The following NRXN1 variants were observed in gnomAD, a reference collection of about 807,000 sequenced individuals.
NRXN1 encodes neurexin-1.
In NRXN1, 39 loss-of-function variants were observed where a neutral mutation model predicts 150.9. The observed-to-expected ratio is 0.26, with a 90% confidence interval of 0.20 to 0.34. NRXN1 has a LOEUF of 0.34. Ranked by LOEUF, NRXN1 falls within the 10% of genes least tolerant of loss-of-function variation. NRXN1 has a pLI of 1.00. For synonymous variants in NRXN1, 924 were observed against 757.0 expected (o/e 1.22, Z -3.62); for missense variants, 1,815 against 1,949.9 (o/e 0.93, Z 1.30).
rs2091709165 is a variant in NRXN1 at position 50,497,582 on chromosome 2, A to C, written c.2630T>G (p.Met877Arg). ...GHLQSLTFNG[M>R]AYIDLCKNGD... ...ATTTTTACACAGGTCAATGTATGCC[A>C]TTCCATTAAATGTCAAGCTCTGCAG... The change falls in exon 14 of 23, where the codon ATG (methionine) becomes AGG (arginine). Residue 877 changes from methionine (M) to arginine (R), a missense_variant. Coordinates refer to ENST00000401669, the MANE Select transcript of NRXN1 (RefSeq NM_001330078.2). The C allele has an allele frequency of 6.2e-7, 1 of 1,613,812 alleles. No homozygotes were observed. The highest frequency in any genetic ancestry group is 1.7e-5 in the Admixed American group (1 of 59,994).
At chr2:49,982,649 C>T (rs1387260402) in intron 21 of NRXN1, among the ~76,000 whole-genome samples, 1 of 152,040 alleles carries the variant, frequency 6.6e-6, no homozygotes, top group East Asian at 1.9e-4. Context: ...ATGGCACATA[C>T]ATTTTCCATC....
intron 17 of NRXN1, among the ~76,000 whole-genome samples, chr2:50,461,330 T>C (rs1573066824): frequency 6.6e-6 from 1 of 151,960 alleles, no homozygotes; most frequent in South Asian, 2.1e-4. Flanking sequence ...ATAACAGCAC[T>C]ATGTTATATT....
intron 18 of NRXN1, among the ~76,000 whole-genome samples, chr2:50,231,297 C>A (rs376358969): frequency 1.3e-5 from 2 of 152,028 alleles, no homozygotes; most frequent in Non-Finnish European, 2.9e-5. Context: ...TGTATAATTA[C>A]TGACTTTAAA....
intron 8 of NRXN1, among the ~76,000 whole-genome samples, chr2:50,608,052 A>G (rs1209141671): frequency 6.6e-6 from 1 of 152,102 alleles, no homozygotes; most frequent in Non-Finnish European, 1.5e-5. Context: ...CCACATGGGT[A>G]AATGAGAGCT....
chr2:51,006,280 T>G (rs889042517), intron 2 of NRXN1, among the ~76,000 whole-genome samples: 1 of 150,174 alleles, frequency 6.7e-6, no homozygotes, highest in Non-Finnish European at 1.5e-5. Flanking sequence ...TCATTCTCAG[T>G]AAACTATCGC....
intron 5 of NRXN1, among the ~76,000 whole-genome samples, chr2:50,680,325 C>G (rs1038714553): frequency 6.6e-6 from 1 of 151,660 alleles, no homozygotes; most frequent in Non-Finnish European, 1.5e-5. Context: ...ATTTATTACC[C>G]AAGCCACTCT....
intron 5 of NRXN1, among the ~76,000 whole-genome samples, chr2:50,753,280 G>A (rs1383255023): frequency 6.6e-6 from 1 of 151,848 alleles, no homozygotes; most frequent in Non-Finnish European, 1.5e-5. Flanking sequence ...AGCAGAAGTG[G>A]TACAGTTCTC....
chr2:50,761,773 G>A (rs1188344396), intron 5 of NRXN1, among the ~76,000 whole-genome samples: 2 of 151,870 alleles, frequency 1.3e-5, no homozygotes, highest in Non-Finnish European at 2.9e-5. Context: ...CAGCTAATCA[G>A]CTGCCAGCAC....
intron 17 of NRXN1, among the ~76,000 whole-genome samples, chr2:50,358,954 AC>A (rs1156779048): frequency 1.3e-5 from 2 of 152,078 alleles, no homozygotes; most frequent in African/African-American, 4.8e-5. Context: ...TCTGGAGCGG[AC>A]CCCCCAGCAA....
At chr2:50,591,429 TAGATA>T in intron 8 of NRXN1, among the ~76,000 whole-genome samples, 1 of 152,032 alleles carries the variant, frequency 6.6e-6, no homozygotes, top group East Asian at 1.9e-4. Context: ...GATAGATAGA[TAGATA>T]GATAGATGTA....
At chr2:50,187,033 T>A (rs17447848) in intron 18 of NRXN1, among the ~76,000 whole-genome samples, 1 of 151,946 alleles carries the variant, frequency 6.6e-6, no homozygotes, top group African/African-American at 2.4e-5. Context: ...TAGAGGTAAG[T>A]AAGGTCCACT....
chr2:50,523,792 C>A (rs892305295), intron 12 of NRXN1, among the ~76,000 whole-genome samples: 1 of 152,144 alleles, frequency 6.6e-6, no homozygotes, highest in South Asian at 2.1e-4. Context: ...CTTAGATGCC[C>A]CTTCTCTCCA....
chr2:50,846,814 C>T (rs539579940), intron 5 of NRXN1, among the ~76,000 whole-genome samples: 13 of 152,028 alleles, frequency 8.6e-5, no homozygotes, highest in South Asian at 8.3e-4. Context: ...TAACAAAAGA[C>T]GGATTAAAAA....
intron 17 of NRXN1, among the ~76,000 whole-genome samples, chr2:50,245,174 G>T (rs368458534): frequency 6.6e-6 from 1 of 151,928 alleles, no homozygotes; most frequent in Non-Finnish European, 1.5e-5. Flanking sequence ...AGTTTGAGCT[G>T]CCCAGAGAGA....
At chr2:50,212,264 T>G (rs541343479) in intron 18 of NRXN1, among the ~76,000 whole-genome samples, 1 of 150,550 alleles carries the variant, frequency 6.6e-6, no homozygotes, top group African/African-American at 2.4e-5. Flanking sequence ...AGATAAGCAG[T>G]TTCATGGTAG....
intron 5 of NRXN1, among the ~76,000 whole-genome samples, chr2:50,783,633 C>T (rs894896925): frequency 1.3e-5 from 2 of 152,160 alleles, no homozygotes; most frequent in Non-Finnish European, 2.9e-5. Context: ...ATTGTATCCA[C>T]TATTCACAGT....
chr2:50,577,771 CTAAAT>C (rs55864891), intron 8 of NRXN1, among the ~76,000 whole-genome samples: 5,274 of 151,436 alleles, frequency 0.035, 107 homozygotes, highest in Middle Eastern at 0.11. Context: ...AAGGAAATAA[CTAAAT>C]TAAAGTCATA....
At chr2:50,555,039 G>A (rs1668028894) in intron 8 of NRXN1, among the ~76,000 whole-genome samples, 1 of 152,132 alleles carries the variant, frequency 6.6e-6, no homozygotes. Flanking sequence ...TTTAGAGGCA[G>A]GGAAAATGCT....
chr2:50,576,012 T>C (rs1193477600), intron 8 of NRXN1, among the ~76,000 whole-genome samples: 1 of 152,098 alleles, frequency 6.6e-6, no homozygotes, highest in Non-Finnish European at 1.5e-5. Flanking sequence ...TATTTATTTA[T>C]AAAAACATGT....
Sources: gnomAD v4.1 joint callset for allele counts (sites outside exome capture counted in the v4.1 genomes callset) on GRCh38, gnomAD v4.1.1 for gene constraint, MANE v1.5 for transcripts, NCBI Gene and HGNC (gene_info 2026-07-23, HGNC 2026-07-21) for gene names.